The following FTO variants were observed in gnomAD, a reference collection of about 807,000 sequenced individuals.
FTO encodes the protein alpha-ketoglutarate-dependent dioxygenase FTO.
FTO carries 47 observed loss-of-function variants against 63.9 expected under a neutral mutation model. That is an observed-to-expected ratio of 0.74 (90% CI 0.58 to 0.94). The LOEUF (loss-of-function observed/expected upper bound fraction) is 0.94. FTO is among the 40% of genes least tolerant of loss of function. The pLI is 0.00. For synonymous variants in FTO, 207 were observed against 224.4 expected, an observed-to-expected ratio of 0.92 and a Z score of 0.69; for missense variants, 562 against 618.1, an observed-to-expected ratio of 0.91 and a Z score of 0.96.
intron 8 of FTO, among the ~76,000 whole-genome samples, chr16:54,016,673 T>C (rs2094321360): frequency 6.6e-6 from 1 of 152,206 alleles, no homozygotes. Flanking sequence ...GCAGAACTAG[T>C]ATTTGTGCCC....
chr16:53,765,286 G>A (rs2077172199), intron 1 of FTO, among the ~76,000 whole-genome samples: 1 of 151,994 alleles, frequency 6.6e-6, no homozygotes, highest in Non-Finnish European at 1.5e-5. Flanking sequence ...GCTGGGCATG[G>A]TGGCTCATGC....
chr16:53,906,100 A>G (rs115530394), intron 7 of FTO, among the ~76,000 whole-genome samples: 2,051 of 152,330 alleles, frequency 0.013, 37 homozygotes, highest in African/African-American at 0.047. Context: ...TAAAGACATA[A>G]GCACCAGCTC....
rs150596732 is a variant in FTO at position 53,924,468 on chromosome 16, T to G, written c.1240-9517T>G. ...AGTCAAATAAAGTGGGTCTTTGAGA[T>G]GAACTGAACCAAGTGTGTCTTTAAG... On this transcript the variant is annotated intron_variant, in intron 7 of 8. Transcript: ENST00000471389. 2.3e-3 allele frequency among the ~76,000 whole-genome samples: 349 copies of G among 152,288 alleles called. 1 individual carries two copies. Among genetic ancestry groups the G allele is most frequent in the Middle Eastern group, 0.01 (3 of 294 alleles).
chr16:53,811,059 T>G (rs1295160007), intron 2 of FTO, among the ~76,000 whole-genome samples: 1 of 152,170 alleles, frequency 6.6e-6, no homozygotes, highest in Non-Finnish European at 1.5e-5. Context: ...CTAGTCATCA[T>G]GTTCAGGAGA....
intron 7 of FTO, among the ~76,000 whole-genome samples, chr16:53,916,266 C>A (rs1286252076): frequency 6.6e-6 from 1 of 152,054 alleles, no homozygotes; most frequent in East Asian, 1.9e-4. Context: ...GGGGCAAAGG[C>A]GGGCTAGCAG....
In FTO at chr16:53,826,018, CGGTATCTCGCATCCTCATT is replaced by C. The variant is rs1567332514; in HGVS notation, c.283_301del (p.Ser95IlefsTer9). The C allele has an allele frequency of 6.2e-7, 1 of 1,614,160 alleles. No individual in the cohort carries two copies. The highest frequency in any genetic ancestry group is 1.6e-4 in the Middle Eastern group (1 of 6,062). ...ATCCAAGGCAAAGATCTGCTCACTC[CGGTATCTCGCATCCTCATT>C]GGTAATCCAGGCTGCACCTACAAGT... On this transcript the variant is annotated frameshift_variant, in exon 3 of 9. Coordinates refer to ENST00000471389, the MANE Select transcript of FTO (RefSeq NM_001080432.3). LOFTEE classifies it high-confidence loss of function.
intron 7 of FTO, among the ~76,000 whole-genome samples, chr16:53,928,698 A>C (rs1024600864): frequency 6.6e-6 from 1 of 152,128 alleles, no homozygotes; most frequent in Admixed American, 6.5e-5. Context: ...TGTTTACTTG[A>C]AACTTGTTTT....
chr16:53,984,670 T>C (rs1385205941), intron 8 of FTO, among the ~76,000 whole-genome samples: 1 of 152,146 alleles, frequency 6.6e-6, no homozygotes, highest in Non-Finnish European at 1.5e-5. Flanking sequence ...AGTATTCACA[T>C]TGCCTTTCCC....
chr16:53,913,551 T>C (rs974681820), intron 7 of FTO, among the ~76,000 whole-genome samples: 3 of 152,196 alleles, frequency 2.0e-5, no homozygotes, highest in Admixed American at 1.3e-4. Flanking sequence ...AGCAAAACTT[T>C]CCCTGTGCCT....
chr16:54,007,372 C>T (rs1461226625), intron 8 of FTO, among the ~76,000 whole-genome samples: 13 of 152,090 alleles, frequency 8.5e-5, no homozygotes, highest in Non-Finnish European at 1.5e-5. Context: ...AAGAGCAGGA[C>T]TCTGGAGCCA....
At chr16:53,979,769 C>T (rs757385372) in intron 8 of FTO, among the ~76,000 whole-genome samples, 7 of 152,150 alleles carry the variant, frequency 4.6e-5, no homozygotes, top group Non-Finnish European at 1.0e-4. Flanking sequence ...CATGACTTTA[C>T]TTGCATTAAC....
chr16:53,912,071 CA>C (rs1598972504), intron 7 of FTO, among the ~76,000 whole-genome samples: 1 of 152,208 alleles, frequency 6.6e-6, no homozygotes, highest in East Asian at 1.9e-4. Context: ...AACTGTCCCC[CA>C]AAGGGACAAA....
intron 1 of FTO, among the ~76,000 whole-genome samples, chr16:53,762,795 A>G (rs2077100496): frequency 2.0e-5 from 3 of 152,224 alleles, no homozygotes; most frequent in African/African-American, 4.8e-5. Flanking sequence ...GTAGACAGGA[A>G]CCTTACTAAG....
At chr16:53,942,946 G>A (rs563251240) in intron 8 of FTO, among the ~76,000 whole-genome samples, 1 of 152,292 alleles carries the variant, frequency 6.6e-6, no homozygotes, top group Non-Finnish European at 1.5e-5. Context: ...TTGCAGTGTT[G>A]GGGTGGGCAT....
chr16:54,065,098 C>CATTTCATTTT (rs2085689473), intron 8 of FTO, among the ~76,000 whole-genome samples: 2 of 122,420 alleles, frequency 1.6e-5, no homozygotes, highest in South Asian at 5.7e-4. Context: ...GTTAGCATAA[C>CATTTCATTTT]ATTTTATTTT....
In FTO at chr16:54,030,468, C is replaced by G. The variant is rs180685180; in HGVS notation, c.1365-81294C>G. ...TGGGAAATGCCTCAAAGAGATGCATCCTAGTGAAGATGAGGAACATTTGGA... is the reference window on the plus strand; with the variant it reads ...TGGGAAATGCCTCAAAGAGATGCATGCTAGTGAAGATGAGGAACATTTGGA... On this transcript the variant is annotated intron_variant, in intron 8 of 8. Coordinates refer to ENST00000471389, the MANE Select transcript of FTO (RefSeq NM_001080432.3). Among the ~76,000 whole-genome samples, 209 of 152,266 alleles carry G rather than the reference C, an allele frequency of 1.4e-3. 1 individual carries two copies. Among genetic ancestry groups the G allele is most frequent in the East Asian group, 5.8e-4 (3 of 5,182 alleles).
intron 8 of FTO, among the ~76,000 whole-genome samples, chr16:53,941,261 C>A (rs143193493): frequency 2.0e-5 from 3 of 152,130 alleles, no homozygotes; most frequent in Admixed American, 6.5e-5. Flanking sequence ...ATGAGTATGA[C>A]GTGAGTCTCA....
intron 8 of FTO, among the ~76,000 whole-genome samples, chr16:54,033,462 TA>T (rs1439505610): frequency 6.6e-6 from 1 of 152,180 alleles, no homozygotes; most frequent in African/African-American, 2.4e-5. Context: ...TCAAGGAATC[TA>T]GATTTGGCCA....
At chr16:54,095,636 T>C (rs2086499574) in intron 8 of FTO, among the ~76,000 whole-genome samples, 1 of 152,198 alleles carries the variant, frequency 6.6e-6, no homozygotes, top group African/African-American at 2.4e-5. Flanking sequence ...AATCTCACAC[T>C]TCCCAGTGAC....
Sources: allele counts gnomAD v4.1 joint callset (sites outside exome capture counted in the v4.1 genomes callset), GRCh38; gene constraint gnomAD v4.1.1; transcripts MANE v1.5; gene names NCBI Gene and HGNC (gene_info 2026-07-23, HGNC 2026-07-21).